RUFY4: variants seen among roughly 807,000 people sequenced by gnomAD.
The protein encoded by RUFY4 is RUN and FYVE domain-containing protein 4.
In RUFY4, 73 loss-of-function variants were observed where a neutral mutation model predicts 69.0. That is an observed-to-expected ratio of 1.06 (90% CI 0.88 to 1.29). RUFY4 has a LOEUF of 1.29. Ranked by LOEUF, RUFY4 falls within the 50% of genes most tolerant of loss-of-function variation. The probability of loss-of-function intolerance (pLI) is 0.00; values close to 1 mark genes in which losing one functional copy is unlikely to be tolerated. For synonymous variants in RUFY4, 287 were observed against 271.8 expected (o/e 1.06, Z -0.55); for missense variants, 770 against 705.6 (o/e 1.09, Z -1.03).
rs758091954 is a variant in RUFY4 at position 218,077,320 on chromosome 2, GTC to G, written c.1355+789_1355+790del. Among the ~76,000 whole-genome samples the G allele has an allele frequency of 1.9e-4, 29 of 152,260 alleles. No homozygotes were observed. In the South Asian group the frequency reaches 4.4e-3, roughly 23 times the overall value. Reference sequence around the variant, plus strand: ...TGACCTCAGGGGCCCACAGCACGCTGTCTGTCTCTACCATCCCCCCTCAGTCC... The same window carrying G: ...TGACCTCAGGGGCCCACAGCACGCTGTGTCTCTACCATCCCCCCTCAGTCC... On this transcript the variant is annotated intron_variant, in intron 8 of 10. Transcript: ENST00000344321.
At chr2:218,047,039 G>GT in intron 2 of RUFY4, among the ~76,000 whole-genome samples, 1 of 122,730 alleles carries the variant, frequency 8.1e-6, no homozygotes. Flanking sequence ...TTTCATTGTG[G>GT]TTAAAAAAAA....
rs758835045 is a variant in RUFY4, at chr2:218,075,345, G to GGAA, written c.853_854insGAA (p.Glu285delinsGlyLys). The GGAA allele has an allele frequency of 2.5e-6, 4 of 1,612,058 alleles. No homozygotes were observed. In the East Asian group the frequency reaches 8.9e-5, roughly 36 times the overall value. ...CCAGGAGGAAAGAGCCCCATGGATT[G>GGAA]AGATCTTCCTGGGGAACTCAACACC... On this transcript the variant is annotated protein_altering_variant, in exon 7 of 11. Transcript: ENST00000344321.
chr2:218,054,243 GCTTTTAATTA>G (rs1464954850), intron 2 of RUFY4, among the ~76,000 whole-genome samples: 5 of 152,202 alleles, frequency 3.3e-5, no homozygotes, highest in African/African-American at 9.6e-5. Context: ...TTAAATACAG[GCTTTTAATTA>G]CTTTAAGATC....
chr2:218,037,535 T>A (rs769786831), intron 2 of RUFY4, among the ~76,000 whole-genome samples: 2 of 152,224 alleles, frequency 1.3e-5, no homozygotes, highest in Non-Finnish European at 2.9e-5. Flanking sequence ...AACATAGCAA[T>A]TGACCACAGA....
chr2:218,065,252 T>A (rs2373241), upstream of RUFY4, among the ~76,000 whole-genome samples: 46,201 of 151,252 alleles, frequency 0.31, 7,319 homozygotes, highest in South Asian at 0.4. Context: ...AGAGTCAGAG[T>A]AGGAGAGGAG....
intron 8 of RUFY4, among the ~76,000 whole-genome samples, chr2:218,079,309 C>T (rs981576682): frequency 5.3e-5 from 8 of 152,206 alleles, no homozygotes; most frequent in African/African-American, 1.2e-4. Context: ...GAGAAGCTGC[C>T]GGGCTTTGGA....
intron 2 of RUFY4, among the ~76,000 whole-genome samples, chr2:218,052,745 TAAAA>T (rs767229733): frequency 1.1e-4 from 16 of 144,802 alleles, no homozygotes; most frequent in African/African-American, 3.9e-4. Context: ...TTTTTTTTTT[TAAAA>T]AAAAAAGATA....
intron 9 of RUFY4, among the ~76,000 whole-genome samples, chr2:218,084,767 C>T (rs371882182): frequency 8.6e-5 from 13 of 151,936 alleles, no homozygotes; most frequent in Non-Finnish European, 8.8e-5. Context: ...GGAACATGGC[C>T]GGGTGCAGTG....
chr2:218,052,517 T>G (rs571805016), intron 2 of RUFY4, among the ~76,000 whole-genome samples: 1 of 152,314 alleles, frequency 6.6e-6, no homozygotes, highest in East Asian at 1.9e-4. Context: ...CAAATAGGCT[T>G]CCCATAAAGA....
intron 3 of RUFY4, chr2:218,060,752 C>G (rs116124215): frequency 3.3e-5 from 50 of 1,493,558 alleles, no homozygotes; most frequent in Non-Finnish European, 7.5e-6. Context: ...ATGATCGCAG[C>G]GGCACGATGA....
At chr2:218,056,653 AGAGTTGAGTGTCCAGAG>A (rs1689072774) in intron 2 of RUFY4, among the ~76,000 whole-genome samples, 1 of 152,246 alleles carries the variant, frequency 6.6e-6, no homozygotes, top group African/African-American at 2.4e-5. Flanking sequence ...CAACTAAATT[AGAGTTGAGTGTCCAGAG>A]GAGAAAGAAG....
chr2:218,052,551 TTTTC>T (rs1005279981), intron 2 of RUFY4, among the ~76,000 whole-genome samples: 4 of 152,186 alleles, frequency 2.6e-5, no homozygotes, highest in African/African-American at 9.7e-5. Context: ...TGCAGGAGGC[TTTTC>T]TTTATCTTTT....
At chr2:218,072,751 C>A in intron 3 of RUFY4, 28 bp from the exon 6 acceptor site, 1 of 1,467,948 alleles carries the variant, frequency 6.8e-7, no homozygotes, top group Non-Finnish European at 9.0e-7. Flanking sequence ...TAATACTGCT[C>A]CCCATTCTGC....
At chr2:218,067,942 A>G (rs1689382564), upstream of RUFY4, among the ~76,000 whole-genome samples, 1 of 152,198 alleles carries the variant, frequency 6.6e-6, no homozygotes, top group African/African-American at 2.4e-5. Context: ...GGGAGTCCTG[A>G]GGTCACAGGG....
chr2:218,075,270 A>G, exon 7 of RUFY4: 1 of 1,590,190 alleles, frequency 6.3e-7, no homozygotes, highest in Admixed American at 1.8e-5. Flanking sequence ...CAGGAAACAT[A>G]GGTACCCCCA....
At chr2:218,079,819 G>C (rs563021965) in intron 8 of RUFY4, among the ~76,000 whole-genome samples, 3 of 152,262 alleles carry the variant, frequency 2.0e-5, no homozygotes, top group Admixed American at 6.5e-5. Context: ...TTCTACAATG[G>C]CCATGAGCAG....
At chr2:218,049,524 T>C (rs555084330) in intron 2 of RUFY4, among the ~76,000 whole-genome samples, 2 of 151,656 alleles carry the variant, frequency 1.3e-5, no homozygotes, top group South Asian at 4.2e-4. Context: ...TTTTTTTTTT[T>C]AGATGGAGTT....
At chr2:218,042,645 A>G (rs1688724275) in intron 2 of RUFY4, among the ~76,000 whole-genome samples, 1 of 152,172 alleles carries the variant, frequency 6.6e-6, no homozygotes, top group African/African-American at 2.4e-5. Flanking sequence ...AGTGATCCCC[A>G]TAGCAGCAAG....
chr2:218,072,842 G>T, exon 4 of RUFY4: 3 of 1,536,160 alleles, frequency 2.0e-6, no homozygotes, highest in Non-Finnish European at 2.6e-6. Flanking sequence ...TGGGCAGCTG[G>T]CTGAGGCCCT....
Sources: allele counts gnomAD v4.1 joint callset (sites outside exome capture counted in the v4.1 genomes callset), GRCh38; gene constraint gnomAD v4.1.1; transcripts MANE v1.5; gene names NCBI Gene and HGNC (gene_info 2026-07-23, HGNC 2026-07-21).